Variants in ZGRF1 observed in about 807,000 individuals in gnomAD.
ZGRF1 encodes 5'-3' DNA helicase ZGRF1.
ZGRF1 carries 196 observed loss-of-function variants against 203.5 expected under a neutral mutation model. The ratio of observed to expected loss-of-function variants is 0.96; its 90% CI spans 0.86 to 1.08. The LOEUF (loss-of-function observed/expected upper bound fraction) is 1.08, where lower values mean the gene tolerates loss of function less well. Ranked by LOEUF, ZGRF1 falls within the 50% of genes least tolerant of loss-of-function variation. The pLI is 0.00. For missense variants in ZGRF1, 2,326 were observed against 2,416.3 expected (o/e 0.96, Z 0.78); for synonymous variants, 809 against 841.3 (o/e 0.96, Z 0.66).
Position 112,579,161 on chromosome 4 carries a change from C to T in ZGRF1, c.4438+2502G>A, listed in dbSNP as rs374888280. Among the ~76,000 whole-genome samples the T allele has an allele frequency of 6.4e-4, 78 of 122,604 alleles. 15 individuals carry two copies. Among genetic ancestry groups the T allele is most frequent in the African/African-American group, 1.7e-3 (59 of 35,494 alleles). The allele number at this position is 122,604 out of a possible 152,430, so 80.4% of individuals were successfully genotyped here. On this transcript the variant is annotated intron_variant, in intron 16 of 27. Coordinates refer to ENST00000505019, the MANE Select transcript of ZGRF1 (RefSeq NM_018392.5). The stretch of plus-strand genomic sequence containing the variant: ...TAATCCAGCATATAAACAGAACCAA[C>T]GACAAAAACCACATGATTATCTCAA...
rs553083534 is a variant in ZGRF1 at position 112,618,584 on chromosome 4, T to G, written c.1458A>C (p.Gln486His). The G allele has an allele frequency of 1.9e-6, 3 of 1,613,760 alleles. No individual in the cohort carries two copies. Among genetic ancestry groups the G allele is most frequent in the South Asian group, 1.1e-5 (1 of 91,066 alleles). The stretch of plus-strand genomic sequence containing the variant: ...TCCTAGAATTATTACTAGATTCAAT[T>G]TGGAGATGTTTCAGTTCTGGCAGAG... ...ESSLPELKHLQIESSNNSRIS... is the reference protein window; with the variant it reads ...ESSLPELKHLHIESSNNSRIS... The change falls in exon 6 of 28, where the codon CAA (glutamine) becomes CAC (histidine). Residue 486 changes from glutamine (Q) to histidine (H), a missense_variant. By Grantham distance (24) the Gln-to-His change is conservative (BLOSUM62 0). Transcript: ENST00000505019.
At chr4:112,558,864 A>G (rs1159038778) in intron 19 of ZGRF1, among the ~76,000 whole-genome samples, 1 of 152,238 alleles carries the variant, frequency 6.6e-6, no homozygotes, top group Non-Finnish European at 1.5e-5. Context: ...GATGGTAAGT[A>G]ATATTATCTT....
At chr4:112,600,732 C>G (rs537419052) in intron 10 of ZGRF1, among the ~76,000 whole-genome samples, 8 of 152,020 alleles carry the variant, frequency 5.3e-5, no homozygotes, top group Non-Finnish European at 8.8e-5. Context: ...TTGCTTCTAG[C>G]CCTCCTAGGC....
chr4:112,609,179 G>A (rs1363171633), intron 8 of ZGRF1, among the ~76,000 whole-genome samples, 200 bp downstream of exon 8: 1 of 151,364 alleles, frequency 6.6e-6, no homozygotes, highest in Non-Finnish European at 1.5e-5. Context: ...TCAGCCTCCC[G>A]AGTAGCCGGG....
chr4:112,562,540 A>G (rs1742200709), intron 17 of ZGRF1, 55 bp from the exon 18 acceptor site: 1 of 1,082,432 alleles, frequency 9.2e-7, no homozygotes, highest in South Asian at 1.3e-5. Flanking sequence ...GGACCATAAA[A>G]ACTCTGTGTT....
At chr4:112,586,007 G>A (rs1041013514) in intron 13 of ZGRF1, among the ~76,000 whole-genome samples, 3 of 152,068 alleles carry the variant, frequency 2.0e-5, no homozygotes, top group Non-Finnish European at 4.4e-5. Flanking sequence ...GGAGGCCAAG[G>A]CGAGTAGATT....
At chr4:112,582,981 T>C (rs995742229) in intron 15 of ZGRF1, among the ~76,000 whole-genome samples, 1 of 152,224 alleles carries the variant, frequency 6.6e-6, no homozygotes, top group Non-Finnish European at 1.5e-5. Context: ...GATATACTTA[T>C]TTCCTTTCTT....
At chr4:112,589,978 G>GCA (rs1170970757) in intron 10 of ZGRF1, 104 bp from the exon 11 acceptor site, 2 of 828,250 alleles carry the variant, frequency 2.4e-6, no homozygotes, top group Non-Finnish European at 3.6e-6. Flanking sequence ...ATGATTTAAA[G>GCA]CACATTATGT....
In ZGRF1 at chr4:112,587,681, C is replaced by T; in HGVS notation, c.3376G>A (p.Glu1126Lys). The T allele has an allele frequency of 1.9e-6, 3 of 1,611,956 alleles. No individual in the cohort carries two copies. The highest frequency in any genetic ancestry group is 2.2e-5 in the East Asian group (1 of 44,842). Reference protein sequence around the residue: ...EDQNETFFSEESREVNPGDVS... With the variant: ...EDQNETFFSEKSREVNPGDVS... ...TCCCCTGGATTCACTTCCCTAGATT[C>T]TTCAGAGAAAAAGGTTTCATTTTGG... Residue 1126 changes from glutamate (E) to lysine (K), a missense_variant, in exon 12 of 28, where the codon GAA becomes AAA. Transcript: ENST00000505019.
Position 112,618,985 on chromosome 4 carries a change from TG to T in ZGRF1, c.1056del (p.Lys353ArgfsTer7), listed in dbSNP as rs1292359361. 10 of 1,613,568 alleles carry T rather than the reference TG, an allele frequency of 6.2e-6. No individual in the cohort carries two copies. Among genetic ancestry groups the T allele is most frequent in the Non-Finnish European group, 8.5e-6 (10 of 1,179,806 alleles). ...GAATTTACATCATCTTCCTGGGCCTTGGGTTTCCTTTCTGTATCATTCCCAT... is the reference window on the plus strand; with the variant it reads ...GAATTTACATCATCTTCCTGGGCCTTGGTTTCCTTTCTGTATCATTCCCAT... The part of the protein sequence containing the change: ...TVDGNDTERK[P>X]KAQEDDVNSN... On this transcript the variant is annotated frameshift_variant, in exon 6 of 28. Transcript: ENST00000505019. LOFTEE classifies it high-confidence loss of function.
At chr4:112,552,288 AAAAG>A (rs1276498637) in intron 22 of ZGRF1, among the ~76,000 whole-genome samples, 10 of 151,986 alleles carry the variant, frequency 6.6e-5, no homozygotes, top group South Asian at 2.1e-4. Flanking sequence ...AAAAAAAAAA[AAAAG>A]AAAGAAAGAA....
chr4:112,570,705 C>CA (rs1172534287), intron 16 of ZGRF1, among the ~76,000 whole-genome samples: 1 of 152,038 alleles, frequency 6.6e-6, no homozygotes, highest in African/African-American at 2.4e-5. Context: ...AAATTCCTTA[C>CA]ATTTTTAATA....
At chr4:112,576,812 T>C (rs1300152795) in intron 16 of ZGRF1, among the ~76,000 whole-genome samples, 1 of 152,044 alleles carries the variant, frequency 6.6e-6, no homozygotes, top group Non-Finnish European at 1.5e-5. Flanking sequence ...TTGGTGTACC[T>C]GAAAGTGACA....
intron 5 of ZGRF1, among the ~76,000 whole-genome samples, 153 bp from the exon 6 acceptor site, chr4:112,619,843 T>G (rs1027627514): frequency 2.6e-5 from 4 of 152,244 alleles, no homozygotes; most frequent in Non-Finnish European, 4.4e-5. Flanking sequence ...TACATTCATT[T>G]GTAATAAGAT....
rs367753632 is a variant in ZGRF1, at chr4:112,618,518, C to A, written c.1524G>T (p.Met508Ile). 3 of 1,612,666 alleles carry A rather than the reference C, an allele frequency of 1.9e-6. No homozygotes were observed. The East Asian group carries it at 6.7e-5, about 36-fold the overall frequency. The change falls in exon 6 of 28, where the codon ATG becomes ATT. Residue 508 changes from methionine to isoleucine, a missense_variant. Physicochemically the swap from Met to Ile is conservative, Grantham distance 10 (BLOSUM62 1). Transcript: ENST00000505019. ...DITDMISESK[M>I]DNESLNSIHE... ...GAATACTATTAAGACTTTCATTATC[C>A]ATTTTACTTTCAGAAATCATGTCTG... is the stretch of plus-strand genomic sequence containing the variant.
intron 19 of ZGRF1, among the ~76,000 whole-genome samples, chr4:112,559,588 G>A (rs1408155444): frequency 8.5e-5 from 13 of 152,198 alleles, no homozygotes; most frequent in Non-Finnish European, 1.9e-4. Context: ...AGAAAGTTGT[G>A]TGAGATAATT....
intron 9 of ZGRF1, chr4:112,605,780 T>C (rs1750679109): frequency 8.3e-6 from 4 of 481,468 alleles, no homozygotes; most frequent in African/African-American, 4.0e-5. Context: ...GGAAGGATAA[T>C]GTAAACACTG....
At chr4:112,570,640 C>A (rs536784520) in intron 16 of ZGRF1, among the ~76,000 whole-genome samples, 4 of 151,992 alleles carry the variant, frequency 2.6e-5, no homozygotes, top group African/African-American at 9.6e-5. Context: ...TTATAAAAAT[C>A]ATAATGTCTA....
rs202079431 is a variant in ZGRF1, at chr4:112,577,280, G to A, written c.4438+4383C>T. 1.1e-3 allele frequency among the ~76,000 whole-genome samples: 138 copies of A among 122,464 alleles called. 27 individuals are homozygous for A. Among genetic ancestry groups the A allele is most frequent in the African/African-American group, 3.2e-3 (114 of 35,342 alleles). The allele number at this position is 122,464 out of a possible 152,430, so 80.3% of individuals were successfully genotyped here. On this transcript the variant is annotated intron_variant, in intron 16 of 27. Coordinates refer to ENST00000505019, the MANE Select transcript of ZGRF1 (RefSeq NM_018392.5). The stretch of plus-strand genomic sequence containing the variant: ...CCCTAAAAGAGCTCCTGAAGGAAGC[G>A]CTAAACATGGAAAGGAATAACTGGT...
Sources: allele counts gnomAD v4.1 joint callset (sites outside exome capture counted in the v4.1 genomes callset), GRCh38; gene constraint gnomAD v4.1.1; transcripts MANE v1.5; gene names NCBI Gene and HGNC (gene_info 2026-07-23, HGNC 2026-07-21).